Variants in EPHA7 observed in about 807,000 individuals in gnomAD.
EPHA7 encodes EPH receptor A7.
In EPHA7, 25 loss-of-function variants were observed where a neutral mutation model predicts 112.6. The ratio of observed to expected loss-of-function variants is 0.22; its 90% CI spans 0.16 to 0.31. EPHA7 has a LOEUF of 0.31. EPHA7 is among the 10% of genes least tolerant of loss of function. The probability of loss-of-function intolerance (pLI) is 1.00; values close to 1 mark genes in which losing one functional copy is unlikely to be tolerated. For synonymous variants in EPHA7, 437 were observed against 406.5 expected (o/e 1.07, Z -0.90); for missense variants, 962 against 1,212.6 (o/e 0.79, Z 3.07).
chr6:93,400,309 T>G, intron 3 of EPHA7, among the ~76,000 whole-genome samples: 1 of 152,244 alleles, frequency 6.6e-6, no homozygotes, highest in Non-Finnish European at 1.5e-5. Flanking sequence ...AGTAAACTAC[T>G]ATTAAAATAA....
intron 3 of EPHA7, among the ~76,000 whole-genome samples, chr6:93,399,347 T>C (rs973940661): frequency 2.0e-5 from 3 of 152,130 alleles, no homozygotes; most frequent in Non-Finnish European, 4.4e-5. Flanking sequence ...TTCCATATGA[T>C]AAAGAAAACC....
At chr6:93,322,225 A>G (rs941771352) in intron 5 of EPHA7, among the ~76,000 whole-genome samples, 2 of 151,854 alleles carry the variant, frequency 1.3e-5, no homozygotes, top group African/African-American at 4.8e-5. Flanking sequence ...ATATCTGTAA[A>G]GTATACTATA....
chr6:93,393,785 G>A (rs1445448154), intron 3 of EPHA7, among the ~76,000 whole-genome samples: 1 of 151,674 alleles, frequency 6.6e-6, no homozygotes, highest in Non-Finnish European at 1.5e-5. Context: ...ATTAACCAGT[G>A]ATTCCATGAA....
chr6:93,317,203 C>T (rs1430350067), intron 5 of EPHA7, among the ~76,000 whole-genome samples: 4 of 152,100 alleles, frequency 2.6e-5, no homozygotes, highest in Non-Finnish European at 5.9e-5. Flanking sequence ...AATATTCTTG[C>T]AGAAATCCCA....
intron 3 of EPHA7, among the ~76,000 whole-genome samples, chr6:93,371,369 A>G (rs1162413690): frequency 3.3e-5 from 5 of 152,210 alleles, no homozygotes; most frequent in Non-Finnish European, 5.9e-5. Context: ...ATTGTAAGTA[A>G]TCTAGAGATT....
At chr6:93,295,820 T>C (rs914802568) in intron 5 of EPHA7, among the ~76,000 whole-genome samples, 8 of 151,862 alleles carry the variant, frequency 5.3e-5, no homozygotes, top group Non-Finnish European at 1.2e-4. Context: ...CCACTTATCT[T>C]TCTGCTGACA....
intron 3 of EPHA7, among the ~76,000 whole-genome samples, chr6:93,380,992 A>G (rs1197839034): frequency 1.3e-5 from 2 of 152,044 alleles, no homozygotes; most frequent in Non-Finnish European, 2.9e-5. Flanking sequence ...CCTTGTTTCC[A>G]TTTGCTTTTC....
intron 3 of EPHA7, among the ~76,000 whole-genome samples, chr6:93,402,991 A>C (rs1778503177): frequency 6.6e-6 from 1 of 152,076 alleles, no homozygotes; most frequent in South Asian, 2.1e-4. Flanking sequence ...AAAGCATGAG[A>C]ATGTGACAAT....
At position 93,242,739 on chromosome 6, in the gene EPHA7, A is replaced by T. The variant is rs529215774; in HGVS notation, c.*687T>A. ...TACAAAAAAATTCTTTTTAAAAAAT[A>T]TCAGAGCTCTTGGCAACTTGCATTT... is the stretch of plus-strand genomic sequence containing the variant. On this transcript the variant is annotated 3_prime_UTR_variant, in exon 17 of 17. Coordinates refer to ENST00000369303, the MANE Select transcript of EPHA7 (RefSeq NM_004440.4). 1 of 214,064 alleles carries T rather than the reference A, an allele frequency of 4.7e-6. No homozygotes were observed. The highest frequency in any genetic ancestry group is 9.5e-6 in the Non-Finnish European group (1 of 105,530). 13.3% of individuals were successfully genotyped at this position (214,064 alleles called of 1,614,324 possible). A position where few individuals can be genotyped will look rare whatever the true frequency, so the allele number is the denominator to read the frequency against.
intron 8 of EPHA7, among the ~76,000 whole-genome samples, 172 bp downstream of exon 8, chr6:93,264,422 T>A (rs1311792458): frequency 6.6e-6 from 1 of 151,600 alleles, no homozygotes; most frequent in South Asian, 2.1e-4. Flanking sequence ...GTGATCAAAC[T>A]CATATTCCAT....
chr6:93,322,228 ATACTATATAATTTACACTG>A (rs1774109291), intron 5 of EPHA7, among the ~76,000 whole-genome samples: 2 of 151,846 alleles, frequency 1.3e-5, no homozygotes, highest in African/African-American at 4.8e-5. Context: ...TCTGTAAAGT[ATACTATATAATTTACACTG>A]TAGGAAAGTG....
intron 5 of EPHA7, among the ~76,000 whole-genome samples, chr6:93,330,499 T>A (rs1033345515): frequency 1.3e-5 from 2 of 151,310 alleles, no homozygotes; most frequent in Non-Finnish European, 3.0e-5. Context: ...TATTAAAGAT[T>A]TTAGCCCTTA....
intron 5 of EPHA7, among the ~76,000 whole-genome samples, chr6:93,355,513 C>G (rs1328046225): frequency 6.6e-6 from 1 of 152,186 alleles, no homozygotes; most frequent in Non-Finnish European, 1.5e-5. Flanking sequence ...TTGTTATTAG[C>G]TTGTTACATT....
chr6:93,387,565 T>C (rs943948024), intron 3 of EPHA7, among the ~76,000 whole-genome samples: 2 of 152,104 alleles, frequency 1.3e-5, no homozygotes, highest in Non-Finnish European at 2.9e-5. Flanking sequence ...TTTAGTCTGT[T>C]TTCACACTGC....
rs528213779 is a variant in EPHA7, at chr6:93,263,721, C to G, written c.1798+139G>C. The stretch of plus-strand genomic sequence containing the variant: ...TGATTTTAATTCTAAACATCTGATT[C>G]AAATGCTTTAAAGCAACATTTTGAG... On this transcript the variant is annotated intron_variant, in intron 9 of 16. Transcript: ENST00000369303. 4.4e-5 allele frequency: 23 copies of G among 518,482 alleles called. No homozygotes were observed. In the African/African-American group the frequency reaches 4.5e-4, roughly 10 times the overall value. The allele number at this position is 518,482 out of a possible 1,614,324, so 32.1% of individuals were successfully genotyped here. A position where few individuals can be genotyped will look rare whatever the true frequency, so the allele number is the denominator to read the frequency against.
intron 3 of EPHA7, among the ~76,000 whole-genome samples, chr6:93,400,170 G>A (rs867839484): frequency 1.2e-4 from 19 of 152,104 alleles, no homozygotes; most frequent in Middle Eastern, 3.4e-3. Flanking sequence ...GATAAATGTA[G>A]AAGATATTAT....
intron 5 of EPHA7, among the ~76,000 whole-genome samples, chr6:93,337,443 T>G (rs552411000): frequency 6.6e-6 from 1 of 152,290 alleles, no homozygotes; most frequent in East Asian, 1.9e-4. Context: ...AGAAAAAAAG[T>G]ACTTGTATAA....
At chr6:93,357,076 G>A in intron 4 of EPHA7, 24 bp from the exon 5 acceptor site, 1 of 1,526,030 alleles carries the variant, frequency 6.6e-7, no homozygotes, top group Non-Finnish European at 8.8e-7. Flanking sequence ...GAATAAATAA[G>A]TAAATAAGCA....
rs181967753 is a variant in EPHA7 at position 93,411,445 on chromosome 6, G to C, written c.163-275C>G. Among the ~76,000 whole-genome samples the C allele has an allele frequency of 3.3e-5, 5 of 151,992 alleles. No individual in the cohort carries two copies. The East Asian group carries it at 9.7e-4, about 29-fold the overall frequency. Reference sequence around the variant, plus strand: ...ATTAGTGTTTCTTTTTTACATGTTTGCTTATGTTTATGTTCTCCATTGAGA... The same window carrying C: ...ATTAGTGTTTCTTTTTTACATGTTTCCTTATGTTTATGTTCTCCATTGAGA... On this transcript the variant is annotated intron_variant, in intron 2 of 16. Coordinates refer to ENST00000369303, the MANE Select transcript of EPHA7 (RefSeq NM_004440.4).
Sources: gnomAD v4.1 joint callset for allele counts (sites outside exome capture counted in the v4.1 genomes callset) on GRCh38, gnomAD v4.1.1 for gene constraint, MANE v1.5 for transcripts, NCBI Gene and HGNC (gene_info 2026-07-23, HGNC 2026-07-21) for gene names.